SMG6: variants seen among roughly 807,000 people sequenced by gnomAD.
The protein encoded by SMG6 is telomerase-binding protein EST1A.
In SMG6, 66 loss-of-function variants were observed where a neutral mutation model predicts 142.2. The observed-to-expected ratio is 0.46, with a 90% CI of 0.38 to 0.57. The LOEUF is 0.57. SMG6 is among the 20% of genes least tolerant of loss of function. The probability of loss-of-function intolerance (pLI) is 0.00; values close to 1 mark genes in which losing one functional copy is unlikely to be tolerated. For synonymous variants in SMG6, 779 were observed against 702.4 expected (o/e 1.11, Z -1.72); for missense variants, 1,793 against 1,832.0 (o/e 0.98, Z 0.39).
chr17:2,244,638 T>C lies in SMG6; in HGVS notation c.2723+20A>G. The C allele has an allele frequency of 6.3e-7, 1 of 1,595,326 alleles. No homozygotes were observed. The highest frequency in any genetic ancestry group is 1.1e-5 in the South Asian group (1 of 90,546). On this transcript the variant is annotated intron_variant, in intron 9 of 18. Transcript: ENST00000263073. ...TGACTTGTAATGTAGGAAAATAAAA[T>C]AAACATCCTGCACACTTACCCAATC...
At chr17:2,090,436 C>T (rs2068687041) in intron 13 of SMG6, among the ~76,000 whole-genome samples, 1 of 151,956 alleles carries the variant, frequency 6.6e-6, no homozygotes, top group South Asian at 2.1e-4. Context: ...AGGGCAGCCC[C>T]GGGGAAGGGA....
intron 13 of SMG6, among the ~76,000 whole-genome samples, chr17:2,097,480 T>C (rs1003883465): frequency 6.6e-6 from 1 of 152,194 alleles, no homozygotes; most frequent in Non-Finnish European, 1.5e-5. Context: ...TCCTGACCAT[T>C]CTGTATGAGG....
chr17:2,151,237 CATTTGCAGATTTATTG>C (rs2070815748), intron 13 of SMG6, among the ~76,000 whole-genome samples: 1 of 152,226 alleles, frequency 6.6e-6, no homozygotes, highest in Admixed American at 6.5e-5. Flanking sequence ...TTAGATTCCA[CATTTGCAGATTTATTG>C]CAGAACTTTT....
Position 2,283,717 on chromosome 17 carries a change from C to G in SMG6, c.2356G>C (p.Val786Leu). The change falls in exon 7 of 19, where the codon GTC (valine) becomes CTC (leucine). Residue 786 changes from valine to leucine, a missense_variant. Physicochemically the swap from Val to Leu is conservative, Grantham distance 32. Coordinates refer to ENST00000263073, the MANE Select transcript of SMG6 (RefSeq NM_017575.5). ...AVYTRRKLDA[V>L]YYYMRSLAAS... ...GCTAAACTGCGCATATAGTAATAGA[C>G]AGCGTCAAGCTTCCTCCTCTGTGGA... 6.2e-7 allele frequency: 1 copy of G among 1,613,994 alleles called. No homozygotes were observed. Among genetic ancestry groups the G allele is most frequent in the South Asian group, 1.1e-5 (1 of 91,052 alleles).
intron 9 of SMG6, among the ~76,000 whole-genome samples, chr17:2,241,104 T>C (rs1401343770): frequency 6.6e-6 from 1 of 152,176 alleles, no homozygotes; most frequent in African/African-American, 2.4e-5. Flanking sequence ...GTGTAGTGCC[T>C]AGAATCCACA....
chr17:2,266,325 G>C (rs4471715), intron 8 of SMG6: 9,297 of 270,746 alleles, frequency 0.034, 876 homozygotes, highest in African/African-American at 0.2. Context: ...GGTGAGTTTT[G>C]AGAGTTCTCA....
At chr17:2,187,174 T>A (rs2072014572) in intron 11 of SMG6, among the ~76,000 whole-genome samples, 1 of 152,062 alleles carries the variant, frequency 6.6e-6, no homozygotes, top group African/African-American at 2.4e-5. Flanking sequence ...CTGAATTTAA[T>A]CACAAGGAAA....
At chr17:2,164,888 G>A (rs2071286585) in intron 13 of SMG6, among the ~76,000 whole-genome samples, 1 of 151,734 alleles carries the variant, frequency 6.6e-6, no homozygotes, top group African/African-American at 2.4e-5. Context: ...AGTGAGCCAA[G>A]ACTAAACCAC....
rs2067774217 is a variant in SMG6 at position 2,061,474 on chromosome 17, G to GC, written c.*17_*18insG. 6.4e-7 allele frequency: 1 copy of GC among 1,566,512 alleles called. No homozygotes were observed. Among genetic ancestry groups the GC allele is most frequent in the South Asian group, 1.2e-5 (1 of 86,384 alleles). ...TTCAGGAACGGTTCCACGGGGGGGGGGCCCCAGTGTGGCTCCCTCAGCCCA... is the reference window on the plus strand; with the variant it reads ...TTCAGGAACGGTTCCACGGGGGGGGGCGCCCCAGTGTGGCTCCCTCAGCCCA... On this transcript the variant is annotated 3_prime_UTR_variant, in exon 19 of 19. Coordinates refer to ENST00000263073, the MANE Select transcript of SMG6 (RefSeq NM_017575.5).
chr17:2,106,530 AAG>A (rs2069160357), intron 13 of SMG6, among the ~76,000 whole-genome samples: 1 of 152,204 alleles, frequency 6.6e-6, no homozygotes, highest in African/African-American at 2.4e-5. Context: ...AAGGAAGGGA[AAG>A]AGAGGGAGAC....
At chr17:2,116,240 TTTTA>T (rs1164306157) in intron 13 of SMG6, among the ~76,000 whole-genome samples, 1 of 151,934 alleles carries the variant, frequency 6.6e-6, no homozygotes, top group African/African-American at 2.4e-5. Context: ...CCCAGCTATT[TTTTA>T]TTTTTTATTT....
rs1326124555 is a variant in SMG6, at chr17:2,173,851, T to TA, written c.3156-993_3156-992insT. 8.5e-5 allele frequency among the ~76,000 whole-genome samples: 12 copies of TA among 141,364 alleles called. 1 individual carries two copies. The highest frequency in any genetic ancestry group is 3.1e-4 in the African/African-American group (11 of 36,046). The allele number at this position is 141,364 out of a possible 152,430, so 92.7% of individuals were successfully genotyped here. On this transcript the variant is annotated intron_variant, in intron 12 of 18. Transcript: ENST00000263073. ...GTGCTGAGGATCCATAAAGCTTTTT[T>TA]TTTTTTTTTTTTTTTTTTTTGGCCT...
At chr17:2,167,764 C>T (rs9894613) in intron 13 of SMG6, among the ~76,000 whole-genome samples, 54,525 of 152,106 alleles carry the variant, frequency 0.36, 10,492 homozygotes, top group African/African-American at 0.5. Context: ...TCTCGACCAG[C>T]AATAAAGCTG....
At chr17:2,294,406 C>T (rs1336306448) in intron 4 of SMG6, among the ~76,000 whole-genome samples, 1 of 152,174 alleles carries the variant, frequency 6.6e-6, no homozygotes, top group Non-Finnish European at 1.5e-5. Flanking sequence ...AAAGGCTCTC[C>T]GTCAGCCTCA....
intron 15 of SMG6, among the ~76,000 whole-genome samples, chr17:2,074,378 A>G (rs1279760753): frequency 6.6e-6 from 1 of 152,198 alleles, no homozygotes; most frequent in Non-Finnish European, 1.5e-5. Context: ...GGGCCAGCAG[A>G]AGCCAACGAG....
At chr17:2,069,009 T>TA in intron 15 of SMG6, 78 bp from the exon 16 acceptor site, 3 of 1,427,024 alleles carry the variant, frequency 2.1e-6, no homozygotes, top group African/African-American at 1.4e-5. Flanking sequence ...GACACTACGG[T>TA]GTGTCAGCAT....
intron 5 of SMG6, 49 bp from the exon 6 acceptor site, chr17:2,292,679 T>C (rs2075064408): frequency 1.9e-6 from 3 of 1,596,008 alleles, no homozygotes; most frequent in South Asian, 2.2e-5. Flanking sequence ...ATTAGCTTTT[T>C]CCCAATTCAT....
chr17:2,274,402 A>G (rs1054602677), intron 8 of SMG6, among the ~76,000 whole-genome samples: 3 of 152,224 alleles, frequency 2.0e-5, no homozygotes, highest in Non-Finnish European at 4.4e-5. Context: ...ACTGCATTAA[A>G]TTCTCCAGAC....
At chr17:2,065,193 AG>A in intron 17 of SMG6, 39 bp from the exon 18 acceptor site, 2 of 1,531,446 alleles carry the variant, frequency 1.3e-6, no homozygotes. Flanking sequence ...ACTGGGCAGA[AG>A]GGGGCGCCAT....
Sources: gnomAD v4.1 joint callset for allele counts (sites outside exome capture counted in the v4.1 genomes callset) on GRCh38, gnomAD v4.1.1 for gene constraint, MANE v1.5 for transcripts, NCBI Gene and HGNC (gene_info 2026-07-23, HGNC 2026-07-21) for gene names.